GLI3: variants seen among roughly 807,000 people sequenced by gnomAD.
GLI3 encodes transcription activator GLI3.
A neutral mutation model predicts 100.8 loss-of-function variants in GLI3; 20 were observed. The ratio of observed to expected loss-of-function variants is 0.20; its 90% CI spans 0.14 to 0.29. The LOEUF is 0.29. Among genes scored for constraint, GLI3 ranks in the 10% least tolerant of loss-of-function variants. The probability of loss-of-function intolerance (pLI) is 1.00; values close to 1 mark genes in which losing one functional copy is unlikely to be tolerated. For missense variants in GLI3, 2,040 were observed against 2,128.5 expected (o/e 0.96, Z 0.82); for synonymous variants, 938 against 860.5 (o/e 1.09, Z -1.58).
Position 42,026,142 on chromosome 7 carries a change from C to T in GLI3, c.1242+57G>A, listed in dbSNP as rs1789104221. On this transcript the variant is annotated intron_variant, in intron 8 of 14. Transcript: ENST00000395925. Reference sequence around the variant, plus strand: ...TGTTGATTAACAGCTGACGTGGTGGCCTGCCCCCACCCTCGGCTGACCAGC... The same window carrying T: ...TGTTGATTAACAGCTGACGTGGTGGTCTGCCCCCACCCTCGGCTGACCAGC... 4.1e-6 allele frequency: 5 copies of T among 1,208,030 alleles called. No individual in the cohort carries two copies. In the South Asian group the frequency reaches 5.1e-5, roughly 12 times the overall value. The allele number at this position is 1,208,030 out of a possible 1,614,324, so 74.8% of individuals were successfully genotyped here.
At chr7:42,016,253 A>G (rs1788758281) in intron 10 of GLI3, among the ~76,000 whole-genome samples, 1 of 152,180 alleles carries the variant, frequency 6.6e-6, no homozygotes, top group Non-Finnish European at 1.5e-5. Context: ...CACTGCAGAA[A>G]AGCACAAGGA....
At position 42,026,406 on chromosome 7, in the gene GLI3, G is replaced by A; in HGVS notation, c.1035C>T (p.Ala345=). 1 of 1,613,792 alleles carries A rather than the reference G, an allele frequency of 6.2e-7. No individual in the cohort carries two copies. Among genetic ancestry groups the A allele is most frequent in the Non-Finnish European group, 8.5e-7 (1 of 1,179,748 alleles). Residue 345 remains alanine, a synonymous_variant, in exon 8 of 15, where the codon GCC becomes GCT. Transcript: ENST00000395925. ...GCGCGGAAGAGTAGGTGAAGCTCAA[G>A]GCAGGGCTGCACGGGGGAGATAAAA... is the stretch of plus-strand genomic sequence containing the variant. ...GHLSASAISP[A]LSFTYSSAPV...
intron 4 of GLI3, among the ~76,000 whole-genome samples, chr7:42,051,785 C>A (rs1192795646): frequency 2.0e-5 from 3 of 152,094 alleles, no homozygotes; most frequent in Admixed American, 6.5e-5. Context: ...AGCCTCCTGT[C>A]ATTATCAACA....
intron 3 of GLI3, among the ~76,000 whole-genome samples, chr7:42,113,933 G>C (rs957071622): frequency 3.3e-5 from 5 of 152,126 alleles, no homozygotes; most frequent in African/African-American, 1.2e-4. Flanking sequence ...CAAAAACCTT[G>C]TGGGAGGGAA....
rs570760091 is a variant in GLI3 at position 41,960,950 on chromosome 7, T to G, written c.*3380A>C. 2.5e-4 allele frequency: 38 copies of G among 152,744 alleles called. No homozygotes were observed. The highest frequency in any genetic ancestry group is 7.9e-4 in the African/African-American group (33 of 41,578). 9.5% of individuals were successfully genotyped at this position (152,744 alleles called of 1,614,324 possible). A position where few individuals can be genotyped will look rare whatever the true frequency, so the allele number is the denominator to read the frequency against. On this transcript the variant is annotated 3_prime_UTR_variant, in exon 15 of 15. Transcript: ENST00000395925. The stretch of plus-strand genomic sequence containing the variant: ...ATTTAATAAACAACCCAATAAAAAT[T>G]TCCATACAAAGAATTTTTTATTGAC...
chr7:42,085,552 A>C (rs1323327544), intron 3 of GLI3, among the ~76,000 whole-genome samples: 1 of 152,176 alleles, frequency 6.6e-6, no homozygotes, highest in Non-Finnish European at 1.5e-5. Flanking sequence ...TTATCCACTC[A>C]AAAAAGCTAA....
intron 3 of GLI3, among the ~76,000 whole-genome samples, chr7:42,129,539 G>A (rs1205380692): frequency 2.0e-5 from 3 of 152,102 alleles, no homozygotes; most frequent in South Asian, 2.1e-4. Flanking sequence ...GGTTGGGCGC[G>A]GTGGCTCACG....
intron 2 of GLI3, among the ~76,000 whole-genome samples, chr7:42,175,118 A>C (rs1787452721): frequency 6.6e-6 from 1 of 152,124 alleles, no homozygotes; most frequent in Admixed American, 6.5e-5. Flanking sequence ...GATCAAAAAC[A>C]CACCACCTAT....
At chr7:41,968,735 A>AGAAAGAAGGAAG (rs1787271199) in intron 13 of GLI3, among the ~76,000 whole-genome samples, 1 of 122,698 alleles carries the variant, frequency 8.2e-6, no homozygotes, top group African/African-American at 3.9e-5. Flanking sequence ...AAAGAAAGAA[A>AGAAAGAAGGAAG]GAAAGAAAGA....
At chr7:42,080,320 C>T (rs890162645) in intron 3 of GLI3, among the ~76,000 whole-genome samples, 10 of 152,212 alleles carry the variant, frequency 6.6e-5, no homozygotes, top group African/African-American at 2.4e-4. Flanking sequence ...CATCTCCTAA[C>T]ACTGCACCAA....
chr7:42,016,460 T>A (rs1326283873), intron 10 of GLI3, among the ~76,000 whole-genome samples: 1 of 152,118 alleles, frequency 6.6e-6, no homozygotes, highest in Non-Finnish European at 1.5e-5. Context: ...CCTCTAAATA[T>A]CTTGACATTT....
At chr7:42,137,341 C>G (rs1390290975) in intron 3 of GLI3, among the ~76,000 whole-genome samples, 2 of 152,112 alleles carry the variant, frequency 1.3e-5, no homozygotes, top group African/African-American at 4.8e-5. Flanking sequence ...AAAATCAAAT[C>G]ACAACACTTC....
intron 1 of GLI3, among the ~76,000 whole-genome samples, chr7:42,251,801 A>G (rs1789035919): frequency 6.6e-6 from 1 of 152,150 alleles, no homozygotes; most frequent in African/African-American, 2.4e-5. Flanking sequence ...CAAATCAGGC[A>G]TTCTGGCTCC....
chr7:41,981,515 T>A (rs1156876386), intron 10 of GLI3, among the ~76,000 whole-genome samples: 1 of 152,108 alleles, frequency 6.6e-6, no homozygotes, highest in Non-Finnish European at 1.5e-5. Context: ...AAAAAGGGAC[T>A]CTCATATTTT....
intron 10 of GLI3, among the ~76,000 whole-genome samples, chr7:41,987,317 C>T (rs1039528606): frequency 6.6e-6 from 1 of 151,882 alleles, no homozygotes; most frequent in African/African-American, 2.4e-5. Context: ...TACAGGCATG[C>T]GCCACCACTC....
intron 1 of GLI3, among the ~76,000 whole-genome samples, chr7:42,257,383 T>A (rs1789095896): frequency 7.1e-6 from 1 of 140,260 alleles, no homozygotes; most frequent in Non-Finnish European, 1.5e-5. Flanking sequence ...TGAGACGGAG[T>A]CTCGCTCTGT....
intron 2 of GLI3, among the ~76,000 whole-genome samples, chr7:42,210,992 T>C (rs1788261245): frequency 6.6e-6 from 1 of 152,216 alleles, no homozygotes. Flanking sequence ...TATGCTGATA[T>C]GTGTGTGTGT....
intron 7 of GLI3, among the ~76,000 whole-genome samples, chr7:42,028,792 A>G (rs975049287): frequency 1.3e-5 from 2 of 150,194 alleles, no homozygotes; most frequent in African/African-American, 4.9e-5. Flanking sequence ...TAATAATAAT[A>G]ATAATAAATA....
At chr7:41,981,638 G>A (rs765626532) in intron 10 of GLI3, among the ~76,000 whole-genome samples, 1 of 152,240 alleles carries the variant, frequency 6.6e-6, no homozygotes, top group Non-Finnish European at 1.5e-5. Flanking sequence ...GGCAAAGGGA[G>A]GGCAAACAGC....
Sources: gnomAD v4.1 joint callset for allele counts (sites outside exome capture counted in the v4.1 genomes callset) on GRCh38, gnomAD v4.1.1 for gene constraint, MANE v1.5 for transcripts, NCBI Gene and HGNC (gene_info 2026-07-23, HGNC 2026-07-21) for gene names.